Variants in NPAS3 observed in about 807,000 individuals in gnomAD.
NPAS3 encodes the protein neuronal PAS domain protein 3, also known as neuronal PAS domain-containing protein 3.
NPAS3 carries 14 observed loss-of-function variants against 73.1 expected under a neutral mutation model. The observed-to-expected ratio is 0.19, with a 90% CI of 0.13 to 0.30. The LOEUF is 0.30. Among genes scored for constraint, NPAS3 ranks in the 10% least tolerant of loss-of-function variants. NPAS3 has a pLI of 1.00. For missense variants in NPAS3, 1,096 were observed against 1,250.0 expected (o/e 0.88, Z 1.86); for synonymous variants, 620 against 541.5 (o/e 1.14, Z -2.01).
At chr14:33,149,837 C>T (rs532655116) in intron 2 of NPAS3, among the ~76,000 whole-genome samples, 1 of 152,184 alleles carries the variant, frequency 6.6e-6, no homozygotes, top group East Asian at 1.9e-4. Flanking sequence ...GCAGAATGTG[C>T]AGGTTTGTTA....
intron 4 of NPAS3, among the ~76,000 whole-genome samples, chr14:33,467,768 C>G (rs1302412794): frequency 3.9e-5 from 6 of 152,032 alleles, no homozygotes; most frequent in Non-Finnish European, 7.4e-5. Flanking sequence ...CAATAAGGAC[C>G]CTTTAGATTT....
intron 1 of NPAS3, among the ~76,000 whole-genome samples, chr14:33,011,627 T>G (rs543872710): frequency 1.3e-5 from 2 of 152,348 alleles, no homozygotes; most frequent in African/African-American, 4.8e-5. Context: ...CTGCTGTAAT[T>G]CATAAGAAAT....
intron 2 of NPAS3, among the ~76,000 whole-genome samples, chr14:33,061,349 G>A (rs1959179): frequency 0.56 from 84,400 of 152,072 alleles, 24,353 homozygotes; most frequent in African/African-American, 0.73. Flanking sequence ...AATAACAAAG[G>A]ATTGAGAAAA....
intron 2 of NPAS3, among the ~76,000 whole-genome samples, chr14:33,173,727 G>C (rs2045482158): frequency 6.6e-6 from 1 of 152,098 alleles, no homozygotes. Flanking sequence ...TGATGAATTT[G>C]TACCTTTTGT....
chr14:33,713,301 C>G (rs988129297), intron 6 of NPAS3, among the ~76,000 whole-genome samples: 3 of 152,224 alleles, frequency 2.0e-5, no homozygotes, highest in Non-Finnish European at 1.5e-5. Flanking sequence ...TACTCTTGCC[C>G]CCTCAACATA....
intron 1 of NPAS3, among the ~76,000 whole-genome samples, chr14:32,970,563 C>G (rs1016767791): frequency 6.6e-6 from 1 of 152,142 alleles, no homozygotes; most frequent in Non-Finnish European, 1.5e-5. Context: ...TGAAGTGCTG[C>G]AAACTGGGTG....
At chr14:33,095,955 A>G (rs1256698295) in intron 2 of NPAS3, among the ~76,000 whole-genome samples, 2 of 151,006 alleles carry the variant, frequency 1.3e-5, no homozygotes, top group Non-Finnish European at 2.9e-5. Flanking sequence ...TGCTGGGATT[A>G]CCAGCGTGAG....
chr14:33,548,417 C>T (rs975188209), intron 4 of NPAS3, among the ~76,000 whole-genome samples: 33 of 152,090 alleles, frequency 2.2e-4, no homozygotes, highest in African/African-American at 7.2e-4. Flanking sequence ...CTGAGATTAT[C>T]GATTCAAGGT....
intron 3 of NPAS3, among the ~76,000 whole-genome samples, chr14:33,291,562 A>G (rs569518270): frequency 1.4e-3 from 207 of 152,324 alleles, no homozygotes; most frequent in Non-Finnish European, 2.5e-3. Flanking sequence ...GTGAGGAAGA[A>G]ATTACTAATT....
intron 3 of NPAS3, among the ~76,000 whole-genome samples, chr14:33,342,022 A>G (rs1742610570): frequency 6.6e-6 from 1 of 151,974 alleles, no homozygotes; most frequent in Admixed American, 6.6e-5. Context: ...AGATTTTCCT[A>G]TTTCCTCTCT....
At chr14:33,369,444 G>A (rs1265424403) in intron 4 of NPAS3, among the ~76,000 whole-genome samples, 1 of 123,514 alleles carries the variant, frequency 8.1e-6, no homozygotes, top group African/African-American at 2.9e-5. Flanking sequence ...AACATATTCT[G>A]TGTCGCTTCA....
intron 3 of NPAS3, among the ~76,000 whole-genome samples, chr14:33,297,976 CA>C (rs2042371448): frequency 6.6e-6 from 1 of 152,140 alleles, no homozygotes; most frequent in African/African-American, 2.4e-5. Context: ...AGGCAGAGAG[CA>C]ACTGGTTATT....
intron 3 of NPAS3, among the ~76,000 whole-genome samples, chr14:33,217,208 C>A (rs192028729): frequency 3.2e-4 from 49 of 152,194 alleles, no homozygotes; most frequent in African/African-American, 1.1e-3. Flanking sequence ...ATAAGGGAAA[C>A]GGCCCCCATG....
chr14:33,780,638 AAACACAATTCCTCAGG>A (rs2062951000), intron 9 of NPAS3: 1 of 454,728 alleles, frequency 2.2e-6, no homozygotes, highest in Non-Finnish European at 4.4e-6. Context: ...CAGCTTGAAG[AAACACAATTCCTCAGG>A]AACAGTGAGC....
At chr14:33,122,603 A>G (rs1490859313) in intron 2 of NPAS3, among the ~76,000 whole-genome samples, 1 of 152,166 alleles carries the variant, frequency 6.6e-6, no homozygotes, top group African/African-American at 2.4e-5. Flanking sequence ...TGATCCTTAC[A>G]GTTCCCACCT....
At chr14:33,474,731 C>T (rs996887549) in intron 4 of NPAS3, among the ~76,000 whole-genome samples, 5 of 151,904 alleles carry the variant, frequency 3.3e-5, no homozygotes, top group Admixed American at 6.6e-5. Flanking sequence ...AACTTAGTAA[C>T]GTGAGAGGTG....
intron 7 of NPAS3, among the ~76,000 whole-genome samples, chr14:33,736,346 G>T (rs969733728): frequency 4.6e-5 from 7 of 152,170 alleles, no homozygotes; most frequent in African/African-American, 7.2e-5. Context: ...AAACAAGAGA[G>T]GTGGGAAAGC....
chr14:33,546,499 T>C (rs60964576), intron 4 of NPAS3, among the ~76,000 whole-genome samples: 70,834 of 152,062 alleles, frequency 0.47, 17,356 homozygotes, highest in East Asian at 0.57. Flanking sequence ...GTGTGTGTTC[T>C]AGTAAGCCAA....
At chr14:33,664,184 G>A (rs887241652) in intron 5 of NPAS3, among the ~76,000 whole-genome samples, 1 of 152,122 alleles carries the variant, frequency 6.6e-6, no homozygotes, top group Non-Finnish European at 1.5e-5. Context: ...CAGACCACTG[G>A]AACAGAACAG....
Sources: allele counts gnomAD v4.1 joint callset (sites outside exome capture counted in the v4.1 genomes callset), GRCh38; gene constraint gnomAD v4.1.1; transcripts MANE v1.5; gene names NCBI Gene and HGNC (gene_info 2026-07-23, HGNC 2026-07-21).